Variants in TMEM236 observed in about 807,000 individuals in gnomAD.
TMEM236 encodes the protein family with sequence similarity 23, member A.
Under a neutral mutation model 14.7 loss-of-function variants are expected in TMEM236, and 11 were observed. That is an observed-to-expected ratio of 0.75 (90% confidence interval 0.47 to 1.24). The LOEUF (loss-of-function observed/expected upper bound fraction) is 1.24. Ranked by LOEUF, TMEM236 falls within the 50% of genes most tolerant of loss-of-function variation. The pLI is 0.00. For synonymous variants in TMEM236, 182 were observed against 168.6 expected (o/e 1.08, Z -0.62); for missense variants, 464 against 427.3 (o/e 1.09, Z -0.76).
Position 17,795,913 on chromosome 10 carries a change from A to C in TMEM236, c.473-8A>C. ...AAACTAAAATGTAAATAAATCTGTT[A>C]ATTGCAGGTAGTGAAAATGGACACA... On this transcript the variant is annotated splice_region_variant and splice_polypyrimidine_tract_variant and intron_variant, in intron 3 of 3. Transcript: ENST00000377495. The C allele has an allele frequency of 6.2e-7, 1 of 1,613,246 alleles. No individual in the cohort carries two copies. The highest frequency in any genetic ancestry group is 1.7e-4 in the Middle Eastern group (1 of 6,052).
intron 3 of TMEM236, among the ~76,000 whole-genome samples, chr10:17,784,927 C>A (rs1296479097): frequency 1.3e-5 from 2 of 152,018 alleles, no homozygotes; most frequent in African/African-American, 4.8e-5. Flanking sequence ...GAAATTGGAA[C>A]CAGGAATTTG....
intron 3 of TMEM236, among the ~76,000 whole-genome samples, chr10:17,788,984 T>G (rs1837880073): frequency 6.6e-6 from 1 of 152,026 alleles, no homozygotes; most frequent in Admixed American, 6.6e-5. Context: ...CTTTGTGGAG[T>G]GGGGTTGAGG....
intron 1 of TMEM236, among the ~76,000 whole-genome samples, chr10:17,766,605 C>T (rs937039149): frequency 1.3e-5 from 2 of 152,320 alleles, no homozygotes; most frequent in Non-Finnish European, 2.9e-5. Context: ...CCAGTCTCTA[C>T]TCATTCCTCA....
chr10:17,760,880 G>T (rs1185455099), intron 1 of TMEM236, among the ~76,000 whole-genome samples: 1 of 152,108 alleles, frequency 6.6e-6, no homozygotes, highest in East Asian at 1.9e-4. Context: ...ACTGTCACAA[G>T]AACAGCACAG....
At chr10:17,774,321 A>G (rs995740527) in intron 2 of TMEM236, among the ~76,000 whole-genome samples, 6 of 152,218 alleles carry the variant, frequency 3.9e-5, no homozygotes, top group Non-Finnish European at 8.8e-5. Context: ...CTGGGATTTC[A>G]GGTGTGAGTC....
intron 3 of TMEM236, among the ~76,000 whole-genome samples, chr10:17,777,474 A>G (rs994254995): frequency 3.3e-5 from 5 of 151,610 alleles, no homozygotes; most frequent in African/African-American, 4.8e-5. Context: ...TTTTTTTTCA[A>G]TTTGAGCTGG....
At position 17,763,293 on chromosome 10, in the gene TMEM236, C is replaced by T. The variant is rs1188262685; in HGVS notation, c.258-8016C>T. Among the ~76,000 whole-genome samples, 6 of 151,676 alleles carry T rather than the reference C, an allele frequency of 4.0e-5. No homozygotes were observed. The East Asian group carries it at 7.8e-4, about 20-fold the overall frequency. On this transcript the variant is annotated intron_variant, in intron 1 of 3. Coordinates refer to ENST00000377495, the MANE Select transcript of TMEM236 (RefSeq NM_001098844.3). Reference sequence around the variant, plus strand: ...ACAGCGAGACCCTGTCTCTACAGGACGTTAAAAAAAAAGTTACCTGGGCAT... The same window carrying T: ...ACAGCGAGACCCTGTCTCTACAGGATGTTAAAAAAAAAGTTACCTGGGCAT...
intron 2 of TMEM236, 71 bp from the exon 3 acceptor site, chr10:17,775,958 A>G: frequency 1.3e-6 from 2 of 1,568,500 alleles, no homozygotes; most frequent in South Asian, 2.2e-5. Flanking sequence ...TGCTGCATTC[A>G]GACTATTGAA....
intron 3 of TMEM236, among the ~76,000 whole-genome samples, chr10:17,779,010 G>A (rs1433261885): frequency 2.0e-5 from 3 of 152,204 alleles, no homozygotes; most frequent in Admixed American, 6.5e-5. Context: ...TTTCTGACGC[G>A]TGGATCTCTG....
intron 2 of TMEM236, among the ~76,000 whole-genome samples, chr10:17,774,798 T>TTCTCTCTCTCTCTCTCTCTCTC (rs781848506): frequency 7.0e-6 from 1 of 142,052 alleles, no homozygotes; most frequent in African/African-American, 2.7e-5. Context: ...CCTACCTCCT[T>TTCTCTCTCTCTCTCTCTCTCTC]TCTCTCTCTC....
intron 3 of TMEM236, among the ~76,000 whole-genome samples, chr10:17,777,022 G>A (rs1308626255): frequency 1.3e-5 from 2 of 152,274 alleles, no homozygotes; most frequent in East Asian, 1.9e-4. Flanking sequence ...AAATGGGTAA[G>A]GTTTGTCAGG....
chr10:17,792,256 G>A (rs2131767304), intron 3 of TMEM236, among the ~76,000 whole-genome samples: 1 of 152,242 alleles, frequency 6.6e-6, no homozygotes, highest in Non-Finnish European at 1.5e-5. Context: ...CCCGGCTAAT[G>A]TTGTGTATTT....
Position 17,796,657 on chromosome 10 carries a change from T to A in TMEM236, c.*153T>A. The A allele has an allele frequency of 1.5e-6, 1 of 660,646 alleles. No homozygotes were observed. Among genetic ancestry groups the A allele is most frequent in the South Asian group, 2.0e-5 (1 of 51,120 alleles). 40.9% of individuals were successfully genotyped at this position (660,646 alleles called of 1,614,324 possible). On this transcript the variant is annotated 3_prime_UTR_variant, in exon 4 of 4. Transcript: ENST00000377495. Reference sequence around the variant, plus strand: ...TTTTACTAACTCTAGCATATCAGTTTTTTTTTTTACATATACAAATGGTGC... The same window carrying A: ...TTTTACTAACTCTAGCATATCAGTTATTTTTTTTACATATACAAATGGTGC...
In TMEM236 at chr10:17,800,395, TTTTA is replaced by T. The variant is rs1183773211; in HGVS notation, c.*3899_*3902del. 2.0e-5 allele frequency: 3 copies of T among 151,990 alleles called. No individual in the cohort carries two copies. The highest frequency in any genetic ancestry group is 1.3e-4 in the Admixed American group (2 of 15,256). 9.4% of individuals were successfully genotyped at this position (151,990 alleles called of 1,614,324 possible). On this transcript the variant is annotated 3_prime_UTR_variant, in exon 4 of 4. Transcript: ENST00000377495. ...TATTGATGCTGTAATTTTTATAAAA[TTTTA>T]TTTATTTTATAATTTTACAAAAAAT...
At chr10:17,789,635 C>A (rs908160670) in intron 3 of TMEM236, among the ~76,000 whole-genome samples, 1 of 152,036 alleles carries the variant, frequency 6.6e-6, no homozygotes, top group African/African-American at 2.4e-5. Flanking sequence ...AATTCCAGTG[C>A]GTTGGGAGGC....
chr10:17,759,330 T>G (rs1179297403), intron 1 of TMEM236, among the ~76,000 whole-genome samples: 3 of 152,198 alleles, frequency 2.0e-5, no homozygotes, highest in Admixed American at 1.3e-4. Context: ...CCTAGAATAT[T>G]TGTGGAGGTT....
At chr10:17,760,408 T>C (rs1837345763) in intron 1 of TMEM236, among the ~76,000 whole-genome samples, 1 of 152,090 alleles carries the variant, frequency 6.6e-6, no homozygotes, top group South Asian at 2.1e-4. Context: ...TTTGCTTAAA[T>C]TGCACAAGAT....
chr10:17,752,295 G>C lies in TMEM236; in HGVS notation c.-1G>C. 1 of 1,613,940 alleles carries C rather than the reference G, an allele frequency of 6.2e-7. No homozygotes were observed. Among genetic ancestry groups the C allele is most frequent in the Non-Finnish European group, 8.5e-7 (1 of 1,179,866 alleles). On this transcript the variant is annotated 5_prime_UTR_variant, in exon 1 of 4. Transcript: ENST00000377495. Reference sequence around the variant, plus strand: ...TTCTTGGCAGCTTGCTTTTCCTCAGGATGGCTTCTGGAAGGCTCATTAAGT... The same window carrying C: ...TTCTTGGCAGCTTGCTTTTCCTCAGCATGGCTTCTGGAAGGCTCATTAAGT...
intron 1 of TMEM236, among the ~76,000 whole-genome samples, chr10:17,770,763 A>G (rs1350458513): frequency 6.6e-6 from 1 of 152,206 alleles, no homozygotes; most frequent in Non-Finnish European, 1.5e-5. Context: ...TTGATCATGC[A>G]AGGTTTAAGA....
Sources: allele counts gnomAD v4.1 joint callset (sites outside exome capture counted in the v4.1 genomes callset), GRCh38; gene constraint gnomAD v4.1.1; transcripts MANE v1.5; gene names NCBI Gene and HGNC (gene_info 2026-07-23, HGNC 2026-07-21).